TEX26: variants seen among roughly 807,000 people sequenced by gnomAD.
The protein encoded by TEX26 is testis expressed 26, also known as testis-expressed protein 26.
In TEX26, 34 loss-of-function variants were observed where a neutral mutation model predicts 35.3. That is an observed-to-expected ratio of 0.96 (90% CI 0.73 to 1.28). The LOEUF (loss-of-function observed/expected upper bound fraction) is 1.28. Ranked by LOEUF, TEX26 falls within the 50% of genes most tolerant of loss-of-function variation. TEX26 has a pLI of 0.00. For synonymous variants in TEX26, 136 were observed against 111.8 expected (o/e 1.22, Z -1.36); for missense variants, 371 against 330.1 (o/e 1.12, Z -0.96).
At chr13:30,937,396 T>TA (rs1385523462) in intron 1 of TEX26, among the ~76,000 whole-genome samples, 4 of 152,182 alleles carry the variant, frequency 2.6e-5, no homozygotes, top group African/African-American at 4.8e-5. Context: ...TCTGGACTGT[T>TA]AGAGTTGTTT....
chr13:30,974,722 G>T, intron 6 of TEX26, 124 bp from the exon 7 acceptor site: 1 of 860,198 alleles, frequency 1.2e-6, no homozygotes, highest in Non-Finnish European at 1.7e-6. Context: ...CTATTATTTT[G>T]GTCTTACCAA....
At chr13:30,966,512 A>C (rs975459476) in intron 5 of TEX26, 114 bp downstream of exon 5, 2 of 985,980 alleles carry the variant, frequency 2.0e-6, no homozygotes, top group East Asian at 5.4e-5. Context: ...ATCTTGGCTC[A>C]CTGAGATCTC....
chr13:30,970,050 C>T (rs991678144), intron 6 of TEX26, among the ~76,000 whole-genome samples: 2 of 152,006 alleles, frequency 1.3e-5, no homozygotes, highest in African/African-American at 2.4e-5. Context: ...TCCCCAGCCA[C>T]AATCAGAAGA....
chr13:30,966,128 G>A (rs1473873669), intron 4 of TEX26, 94 bp from the exon 5 acceptor site: 1 of 1,308,856 alleles, frequency 7.6e-7, no homozygotes, highest in Non-Finnish European at 1.1e-6. Context: ...TTCATACAGG[G>A]CACATTGACC....
intron 6 of TEX26, among the ~76,000 whole-genome samples, chr13:30,970,134 C>T (rs190235411): frequency 3.1e-4 from 47 of 151,098 alleles, no homozygotes; most frequent in Admixed American, 5.3e-4. Flanking sequence ...TGAAAACCTA[C>T]TGTAGTCAAG....
At chr13:30,971,530 G>A (rs916631806) in intron 6 of TEX26, among the ~76,000 whole-genome samples, 4 of 152,158 alleles carry the variant, frequency 2.6e-5, no homozygotes, top group African/African-American at 9.7e-5. Flanking sequence ...GAGACGGTGC[G>A]TGTTGGAGGG....
intron 5 of TEX26, among the ~76,000 whole-genome samples, chr13:30,966,968 G>C (rs1039722164): frequency 9.8e-5 from 15 of 152,288 alleles, no homozygotes; most frequent in African/African-American, 3.6e-4. Context: ...TATCATCCCT[G>C]CTGGGGAGGG....
chr13:30,952,899 A>G, intron 3 of TEX26, 74 bp downstream of exon 3: 24 of 1,310,328 alleles, frequency 1.8e-5, no homozygotes, highest in Non-Finnish European at 2.5e-5. Flanking sequence ...GAGAGTTTAA[A>G]TATGTCACAA....
chr13:30,962,516 T>C (rs1369870629), intron 4 of TEX26, among the ~76,000 whole-genome samples: 2 of 152,232 alleles, frequency 1.3e-5, no homozygotes, highest in Non-Finnish European at 2.9e-5. Flanking sequence ...GAAGCCTTCT[T>C]TGATCCTCCA....
intron 6 of TEX26, among the ~76,000 whole-genome samples, chr13:30,974,387 C>A (rs1954816904): frequency 6.6e-6 from 1 of 151,848 alleles, no homozygotes; most frequent in Non-Finnish European, 1.5e-5. Flanking sequence ...TACTATGCAC[C>A]CAGTAACAAA....
intron 4 of TEX26, among the ~76,000 whole-genome samples, chr13:30,964,920 T>G (rs1466778584): frequency 6.6e-6 from 1 of 152,172 alleles, no homozygotes; most frequent in Non-Finnish European, 1.5e-5. Flanking sequence ...CACCTCCCAT[T>G]AGGCCCCACC....
intron 1 of TEX26, among the ~76,000 whole-genome samples, chr13:30,934,766 C>T (rs916665070): frequency 7.9e-5 from 12 of 152,156 alleles, no homozygotes; most frequent in African/African-American, 2.9e-4. Context: ...CAAACTGCAG[C>T]TACAGACCCA....
chr13:30,937,869 T>C (rs1183031986), intron 1 of TEX26, among the ~76,000 whole-genome samples: 1 of 152,198 alleles, frequency 6.6e-6, no homozygotes, highest in Non-Finnish European at 1.5e-5. Context: ...TGTTAAATTA[T>C]AAACAAGACT....
chr13:30,954,543 C>T (rs9594492), intron 3 of TEX26, among the ~76,000 whole-genome samples: 9,396 of 151,856 alleles, frequency 0.062, 423 homozygotes, highest in Non-Finnish European at 0.096. Context: ...ACTACAGCCT[C>T]GAACTCTTGA....
At position 30,966,400 on chromosome 13, in the gene TEX26, T is replaced by C. The variant is rs371671065; in HGVS notation, c.646+2T>C. 24 of 1,584,708 alleles carry C rather than the reference T, an allele frequency of 1.5e-5. No homozygotes were observed. Among genetic ancestry groups the C allele is most frequent in the Non-Finnish European group, 2.1e-5 (24 of 1,170,068 alleles). ...TGCCTGTTGCTTCTCAGGGTCTAGGTGAGTACAGCTGCAGTTTCTTTTTCT... is the reference window on the plus strand; with the variant it reads ...TGCCTGTTGCTTCTCAGGGTCTAGGCGAGTACAGCTGCAGTTTCTTTTTCT... On this transcript the variant is annotated splice_donor_variant, in intron 5 of 6. Coordinates refer to ENST00000380473, the MANE Select transcript of TEX26 (RefSeq NM_152325.3). LOFTEE classifies it high-confidence loss of function.
chr13:30,974,646 A>T (rs965444934), intron 6 of TEX26, among the ~76,000 whole-genome samples, 200 bp from the exon 7 acceptor site: 2 of 152,198 alleles, frequency 1.3e-5, no homozygotes, highest in Non-Finnish European at 2.9e-5. Flanking sequence ...CTTGAGTATT[A>T]AGTTTACTCT....
chr13:30,951,884 A>G (rs781601915), intron 2 of TEX26, among the ~76,000 whole-genome samples: 4 of 150,274 alleles, frequency 2.7e-5, no homozygotes, highest in Non-Finnish European at 5.9e-5. Flanking sequence ...AGGTCCACAC[A>G]TTTCATTTGG....
chr13:30,943,162 G>A (rs1442739121), intron 2 of TEX26, among the ~76,000 whole-genome samples: 1 of 151,954 alleles, frequency 6.6e-6, no homozygotes, highest in Admixed American at 6.6e-5. Context: ...TGTTACCTAT[G>A]ATTTCTTTCA....
intron 2 of TEX26, among the ~76,000 whole-genome samples, chr13:30,940,155 T>G (rs1953424168): frequency 6.6e-6 from 1 of 151,944 alleles, no homozygotes; most frequent in East Asian, 1.9e-4. Context: ...AATGGATGAA[T>G]AAATACTTGT....
Sources: gnomAD v4.1 joint callset for allele counts (sites outside exome capture counted in the v4.1 genomes callset) on GRCh38, gnomAD v4.1.1 for gene constraint, MANE v1.5 for transcripts, NCBI Gene and HGNC (gene_info 2026-07-23, HGNC 2026-07-21) for gene names.